GRID1: variants seen among roughly 807,000 people sequenced by gnomAD.
The protein encoded by GRID1 is glutamate ionotropic receptor delta type subunit 1, also known as glutamate receptor ionotropic, delta-1.
Under a neutral mutation model 98.0 loss-of-function variants are expected in GRID1, and 28 were observed. That is an observed-to-expected ratio of 0.29 (90% CI 0.21 to 0.39). GRID1 has a LOEUF of 0.39. GRID1 is among the 10% of genes least tolerant of loss of function. The pLI, the probability that GRID1 is intolerant of heterozygous loss-of-function variation, is 1.00. For synonymous variants in GRID1, 553 were observed against 538.5 expected, an observed-to-expected ratio of 1.03 and a Z score of -0.37; for missense variants, 1,111 against 1,340.5, an observed-to-expected ratio of 0.83 and a Z score of 2.67.
intron 12 of GRID1, among the ~76,000 whole-genome samples, chr10:85,710,826 G>T (rs555256900): frequency 6.6e-6 from 1 of 152,004 alleles, no homozygotes; most frequent in South Asian, 2.1e-4. Flanking sequence ...TTCTCCAAAG[G>T]AGATATGCAA....
chr10:86,111,404 G>A (rs999253223), intron 4 of GRID1, among the ~76,000 whole-genome samples: 1 of 152,128 alleles, frequency 6.6e-6, no homozygotes, highest in Non-Finnish European at 1.5e-5. Flanking sequence ...CCTCCCCCTG[G>A]CCTGGATAGA....
At chr10:85,805,859 C>T (rs959596319) in intron 8 of GRID1, among the ~76,000 whole-genome samples, 1 of 151,358 alleles carries the variant, frequency 6.6e-6, no homozygotes, top group Non-Finnish European at 1.5e-5. Context: ...AAAAGTAAAA[C>T]ATAAAACTAT....
At chr10:86,073,907 G>A (rs1843840711) in intron 4 of GRID1, among the ~76,000 whole-genome samples, 1 of 152,158 alleles carries the variant, frequency 6.6e-6, no homozygotes, top group African/African-American at 2.4e-5. Flanking sequence ...AGGCGCTCTG[G>A]TTTTAAACAA....
chr10:85,681,921 G>A (rs182173902), intron 12 of GRID1, among the ~76,000 whole-genome samples: 2 of 152,156 alleles, frequency 1.3e-5, no homozygotes, highest in Admixed American at 6.5e-5. Context: ...CCCAACATGT[G>A]CACTCAGTTT....
At chr10:85,965,490 C>T (rs1842324887) in intron 4 of GRID1, among the ~76,000 whole-genome samples, 1 of 152,142 alleles carries the variant, frequency 6.6e-6, no homozygotes, top group South Asian at 2.1e-4. Context: ...TTTGCAGGGA[C>T]ATGGATGACA....
chr10:85,622,619 A>T lies in GRID1; in HGVS notation c.2194-2586T>A, dbSNP rs1277932249. On this transcript the variant is annotated intron_variant, in intron 13 of 15. Coordinates refer to ENST00000327946, the MANE Select transcript of GRID1 (RefSeq NM_017551.3). ...TGTCTGAAAATGCCAAAGCAGGAGC[A>T]CCTGGAGAGGGTGCTATCCCACATT... 2.6e-5 allele frequency among the ~76,000 whole-genome samples: 4 copies of T among 152,148 alleles called. No individual in the cohort carries two copies. In the East Asian group the frequency reaches 7.8e-4, roughly 30 times the overall value.
chr10:85,814,718 T>C (rs963658141), intron 8 of GRID1, among the ~76,000 whole-genome samples: 7 of 151,964 alleles, frequency 4.6e-5, no homozygotes, highest in African/African-American at 1.7e-4. Context: ...TACAAACTAC[T>C]ATAAACTACT....
chr10:86,178,352 G>A (rs927334483), intron 3 of GRID1, among the ~76,000 whole-genome samples: 2 of 152,126 alleles, frequency 1.3e-5, no homozygotes, highest in African/African-American at 4.8e-5. Flanking sequence ...ACACAAAAGC[G>A]GGAGCAGTGG....
At chr10:85,981,791 A>G (rs1045695676) in intron 4 of GRID1, among the ~76,000 whole-genome samples, 2 of 152,216 alleles carry the variant, frequency 1.3e-5, no homozygotes, top group Non-Finnish European at 1.5e-5. Context: ...CAAAACACAC[A>G]TAGCCTCTTT....
intron 12 of GRID1, among the ~76,000 whole-genome samples, chr10:85,695,361 T>A (rs61698547): frequency 0.045 from 6,871 of 152,274 alleles, 472 homozygotes; most frequent in African/African-American, 0.15. Context: ...GTTATACAAC[T>A]TGCTTGCCCC....
At chr10:85,966,520 A>G (rs1203605971) in intron 4 of GRID1, among the ~76,000 whole-genome samples, 1 of 152,192 alleles carries the variant, frequency 6.6e-6, no homozygotes, top group African/African-American at 2.4e-5. Context: ...AAAGGCATCT[A>G]AAGAGATATC....
chr10:86,049,448 G>T (rs1358639495), intron 4 of GRID1, among the ~76,000 whole-genome samples: 1 of 152,218 alleles, frequency 6.6e-6, no homozygotes, highest in Non-Finnish European at 1.5e-5. Context: ...TGGAGATGCG[G>T]CTACTATATG....
intron 2 of GRID1, among the ~76,000 whole-genome samples, chr10:86,211,683 G>A (rs901698648): frequency 1.3e-5 from 2 of 151,980 alleles, no homozygotes; most frequent in African/African-American, 4.8e-5. Context: ...TCTCACCCCA[G>A]GTGAGCTTTC....
chr10:85,994,655 C>T (rs979785688), intron 4 of GRID1, among the ~76,000 whole-genome samples: 5 of 152,180 alleles, frequency 3.3e-5, no homozygotes, highest in Admixed American at 2.0e-4. Context: ...CACGTGATTA[C>T]GCAGTTGTGG....
intron 13 of GRID1, among the ~76,000 whole-genome samples, chr10:85,635,553 T>C (rs531096622): frequency 3.3e-5 from 5 of 152,354 alleles, no homozygotes; most frequent in African/African-American, 1.2e-4. Context: ...CTTTGATTTT[T>C]GAAAGGTTAA....
At chr10:85,915,518 GAC>G (rs1481515994) in intron 5 of GRID1, among the ~76,000 whole-genome samples, 7 of 149,676 alleles carry the variant, frequency 4.7e-5, no homozygotes, top group South Asian at 4.3e-4. Flanking sequence ...CACACACACA[GAC>G]ACACATATAC....
chr10:86,134,650 C>T (rs1017340503), intron 4 of GRID1, among the ~76,000 whole-genome samples: 6 of 152,174 alleles, frequency 3.9e-5, no homozygotes, highest in African/African-American at 1.4e-4. Flanking sequence ...CCCCTGCACA[C>T]CCATGACTGC....
Position 85,785,621 on chromosome 10 carries a change from C to A in GRID1, c.1234-56007G>T, listed in dbSNP as rs1337452516. ...ATCTGTCTCCTCCAGTCGCCAAGGA[C>A]AGGCACTGACTTCCTTTTTCAGTGT... On this transcript the variant is annotated intron_variant, in intron 8 of 15. Transcript: ENST00000327946. 2.0e-5 allele frequency among the ~76,000 whole-genome samples: 3 copies of A among 152,156 alleles called. No homozygotes were observed. The South Asian group carries it at 6.2e-4, about 32-fold the overall frequency.
intron 5 of GRID1, among the ~76,000 whole-genome samples, chr10:85,879,009 CA>C (rs1027435235): frequency 5.3e-5 from 8 of 151,264 alleles, no homozygotes; most frequent in Admixed American, 2.6e-4. Context: ...CAACAAAGAT[CA>C]AAAGAGACAA....
Sources: allele counts gnomAD v4.1 joint callset (sites outside exome capture counted in the v4.1 genomes callset), GRCh38; gene constraint gnomAD v4.1.1; transcripts MANE v1.5; gene names NCBI Gene and HGNC (gene_info 2026-07-23, HGNC 2026-07-21).